Variants in SCNN1A observed in about 807,000 individuals in gnomAD.
SCNN1A encodes epithelial sodium channel subunit alpha.
In SCNN1A, 65 loss-of-function variants were observed where a neutral mutation model predicts 68.6. The ratio of observed to expected loss-of-function variants is 0.95; its 90% confidence interval spans 0.78 to 1.16. SCNN1A has a LOEUF of 1.16. Among genes scored for constraint, SCNN1A ranks in the 50% most tolerant of loss-of-function variants. The probability of loss-of-function intolerance (pLI) is 0.00; values close to 1 mark genes in which losing one functional copy is unlikely to be tolerated. For missense variants in SCNN1A, 880 were observed against 865.9 expected (o/e 1.02, Z -0.20); for synonymous variants, 357 against 353.3 (o/e 1.01, Z -0.12).
intron 6 of SCNN1A, 150 bp downstream of exon 6, chr12:6,355,122 C>G (rs565520255): frequency 2.2e-5 from 20 of 916,638 alleles, no homozygotes; most frequent in Non-Finnish European, 3.3e-5. Context: ...TTCCCAGTGC[C>G]AGCCCCTCTG....
In SCNN1A at chr12:6,348,779, A is replaced by T; in HGVS notation, c.1577T>A (p.Ile526Asn). Residue 526 changes from isoleucine (I) to asparagine (N), a missense_variant, in exon 12 of 13, where the codon ATC becomes AAC. Ile to Asn is a moderately radical substitution (Grantham distance 149). Transcript: ENST00000228916. ...NKRNGVAKVN[I>N]FFKELNYKTN... ...TTTGTAGTTCAGCTCCTTGAAGAAG[A>T]TGTTGACTTTGGCCACTCCATTTCT... 1 of 1,613,766 alleles carries T rather than the reference A, an allele frequency of 6.2e-7. No individual in the cohort carries two copies. Among genetic ancestry groups the T allele is most frequent in the Non-Finnish European group, 8.5e-7 (1 of 1,179,926 alleles).
intron 1 of SCNN1A, chr12:6,375,253 T>C (rs1948883639): frequency 7.0e-7 from 1 of 1,437,944 alleles, no homozygotes. Flanking sequence ...CTCTCCTCTT[T>C]CTGGCCTGCC....
chr12:6,360,247 G>A (rs929868865), intron 4 of SCNN1A, among the ~76,000 whole-genome samples: 1 of 152,198 alleles, frequency 6.6e-6, no homozygotes, highest in Non-Finnish European at 1.5e-5. Context: ...CAACCCAGGC[G>A]AGCAATGAGG....
intron 3 of SCNN1A, among the ~76,000 whole-genome samples, 184 bp from the exon 4 acceptor site, chr12:6,362,425 C>G (rs1339419918): frequency 6.6e-6 from 1 of 152,146 alleles, no homozygotes; most frequent in Non-Finnish European, 1.5e-5. Flanking sequence ...ACCAGGGGAG[C>G]ATGGGATTAA....
intron 1 of SCNN1A, chr12:6,375,117 T>C (rs1948880588): frequency 6.7e-7 from 1 of 1,497,224 alleles, no homozygotes; most frequent in Admixed American, 2.0e-5. Flanking sequence ...TTTCGAGTTT[T>C]GTCCTAGCAC....
chr12:6,369,382 C>A (rs1322992199), intron 2 of SCNN1A, among the ~76,000 whole-genome samples: 5 of 152,078 alleles, frequency 3.3e-5, no homozygotes, highest in African/African-American at 1.2e-4. Flanking sequence ...TCCTGCCTGG[C>A]CTCACTGATG....
intron 2 of SCNN1A, among the ~76,000 whole-genome samples, chr12:6,367,674 G>A (rs1034179270): frequency 2.6e-5 from 4 of 152,190 alleles, no homozygotes; most frequent in South Asian, 2.1e-4. Context: ...TCAACATCTC[G>A]ACTGTCAAAC....
upstream of SCNN1A, chr12:6,377,121 A>G: frequency 1.5e-6 from 1 of 656,786 alleles, no homozygotes; most frequent in Non-Finnish European, 2.6e-6. Context: ...CAGGCAAAGA[A>G]GAGAAAAGGC....
At chr12:6,355,633 A>G (rs946978045) in intron 5 of SCNN1A, 144 bp downstream of exon 5, 7 of 902,062 alleles carry the variant, frequency 7.8e-6, no homozygotes, top group African/African-American at 1.6e-5. Context: ...GATTCCTCTC[A>G]TGCCTGGAAC....
At chr12:6,363,999 C>T (rs1488553359) in intron 2 of SCNN1A, 3 of 306,436 alleles carry the variant, frequency 9.8e-6, no homozygotes, top group Non-Finnish European at 1.8e-5. Context: ...TCCCCCTCGC[C>T]CGGACCTAGA....
chr12:6,360,165 G>T (rs1213693378), intron 4 of SCNN1A, among the ~76,000 whole-genome samples: 1 of 152,224 alleles, frequency 6.6e-6, no homozygotes, highest in African/African-American at 2.4e-5. Context: ...AAGTACAAAG[G>T]TTCCTGTAGT....
Position 6,354,824 on chromosome 12 carries a change from C to T in SCNN1A, c.1168G>A (p.Asp390Asn), listed in dbSNP as rs200557019. The change falls in exon 7 of 13, where the codon GAT (aspartate) becomes AAT (asparagine). Residue 390 changes from aspartate to asparagine, a missense_variant. Physicochemically the swap from Asp to Asn is conservative, Grantham distance 23 (BLOSUM62 1). Transcript: ENST00000228916. ...RKETLDRLGG[D>N]YGDCTKNGSD... ...CCATTCTTGGTGCAGTCGCCATAATCGCCCCCAAGTCTGTCCAGGGTTTCC... is the reference window on the plus strand; with the variant it reads ...CCATTCTTGGTGCAGTCGCCATAATTGCCCCCAAGTCTGTCCAGGGTTTCC... The T allele has an allele frequency of 2.3e-5, 37 of 1,613,858 alleles. No individual in the cohort carries two copies. The highest frequency in any genetic ancestry group is 1.6e-4 in the Middle Eastern group (1 of 6,084).
Position 6,354,408 on chromosome 12 carries a change from G to A in SCNN1A, c.1360+30C>T, listed in dbSNP as rs369403893. 28 of 1,466,058 alleles carry A rather than the reference G, an allele frequency of 1.9e-5. No homozygotes were observed. The African/African-American group carries it at 3.2e-4, about 17-fold the overall frequency. The allele number at this position is 1,466,058 out of a possible 1,614,324, so 90.8% of individuals were successfully genotyped here. A position where few individuals can be genotyped will look rare whatever the true frequency, so the allele number is the denominator to read the frequency against. On this transcript the variant is annotated intron_variant, in intron 8 of 12. Coordinates refer to ENST00000228916, the MANE Select transcript of SCNN1A (RefSeq NM_001038.6). ...GCCTCAGTGAGTACTGGGGTCAGTG[G>A]GGCAGGGTGGGGGCTCCCTGGAGTC...
At chr12:6,354,997 C>A in intron 6 of SCNN1A, 149 bp from the exon 7 acceptor site, 1 of 779,694 alleles carries the variant, frequency 1.3e-6, no homozygotes, top group Non-Finnish European at 2.2e-6. Flanking sequence ...CACCCCCATG[C>A]CCACCCACTG....
chr12:6,362,336 G>A (rs535931932), intron 3 of SCNN1A, 95 bp from the exon 4 acceptor site: 3 of 1,100,312 alleles, frequency 2.7e-6, no homozygotes, highest in Non-Finnish European at 2.8e-6. Flanking sequence ...GGGGTTCTGA[G>A]GACTGACGGA....
intron 3 of SCNN1A, among the ~76,000 whole-genome samples, chr12:6,362,999 C>A: frequency 5.3e-4 from 1 of 1,902 alleles, no homozygotes; most frequent in Non-Finnish European, 1.4e-3. Context: ...CCTTTTTTTA[C>A]TGTCTCCTTA....
chr12:6,373,672 G>A (rs1333977230), intron 2 of SCNN1A, among the ~76,000 whole-genome samples: 1 of 152,158 alleles, frequency 6.6e-6, no homozygotes, highest in East Asian at 1.9e-4. Context: ...AAAAGTTCAG[G>A]ACACACCCAA....
At chr12:6,367,616 GAGAGGA>G (rs1948702181) in intron 2 of SCNN1A, among the ~76,000 whole-genome samples, 1 of 150,424 alleles carries the variant, frequency 6.6e-6, no homozygotes, top group Non-Finnish European at 1.5e-5. Context: ...ATGACAGTGG[GAGAGGA>G]AGAGGAATTG....
intron 4 of SCNN1A, among the ~76,000 whole-genome samples, chr12:6,357,270 T>C (rs536915449): frequency 4.6e-5 from 7 of 151,946 alleles, no homozygotes; most frequent in African/African-American, 1.7e-4. Flanking sequence ...TTTTAAAACA[T>C]AGAGCTTCGA....
Sources: allele counts gnomAD v4.1 joint callset (sites outside exome capture counted in the v4.1 genomes callset), GRCh38; gene constraint gnomAD v4.1.1; transcripts MANE v1.5; gene names NCBI Gene and HGNC (gene_info 2026-07-23, HGNC 2026-07-21).